The following SLC25A28 variants were observed in gnomAD, a reference collection of about 807,000 sequenced individuals.
SLC25A28 encodes the protein mitoferrin-2.
SLC25A28 carries 10 observed loss-of-function variants against 31.9 expected under a neutral mutation model. The observed-to-expected ratio is 0.31, with a 90% CI of 0.19 to 0.53. The LOEUF (loss-of-function observed/expected upper bound fraction) is 0.53. Among genes scored for constraint, SLC25A28 ranks in the 20% least tolerant of loss-of-function variants. The pLI is 0.95. For synonymous variants in SLC25A28, 208 were observed against 203.6 expected (o/e 1.02, Z -0.19); for missense variants, 256 against 490.3 (o/e 0.52, Z 4.51).
At position 99,612,603 on chromosome 10, in the gene SLC25A28, C is replaced by T. The variant is rs2034554899; in HGVS notation, c.521-4G>A. On this transcript the variant is annotated splice_region_variant and splice_polypyrimidine_tract_variant and intron_variant, in intron 2 of 3. Coordinates refer to ENST00000370495, the MANE Select transcript of SLC25A28 (RefSeq NM_031212.4). ...GTTGCCACACACCCGGCCGCACCTGCAAACAAGAAAACAACTGCCACATGT... is the reference window on the plus strand; with the variant it reads ...GTTGCCACACACCCGGCCGCACCTGTAAACAAGAAAACAACTGCCACATGT... 2.5e-6 allele frequency: 4 copies of T among 1,614,042 alleles called. No individual in the cohort carries two copies. Among genetic ancestry groups the T allele is most frequent in the Admixed American group, 1.7e-5 (1 of 60,004 alleles).
At position 99,619,473 on chromosome 10, in the gene SLC25A28, A is replaced by G. The variant is rs536832432; in HGVS notation, c.291+572T>C. On this transcript the variant is annotated intron_variant, in intron 1 of 3. Coordinates refer to ENST00000370495, the MANE Select transcript of SLC25A28 (RefSeq NM_031212.4). ...CCTATTCCTGAATACGATCTTTCCC[A>G]CATTACTTCCAGTCTGGAATTCTGC... 1.1e-4 allele frequency: 105 copies of G among 941,310 alleles called. 1 individual carries two copies. In the South Asian group the frequency reaches 4.5e-3, roughly 41 times the overall value. The allele number at this position is 941,310 out of a possible 1,614,324, so 58.3% of individuals were successfully genotyped here.
the SLC25A28 span, among the ~76,000 whole-genome samples, chr10:99,642,523 T>C: frequency 6.6e-6 from 1 of 152,102 alleles, no homozygotes; most frequent in Non-Finnish European, 1.5e-5. Flanking sequence ...ACAGGGACAA[T>C]TTGACTTCCT....
chr10:99,617,626 T>C, intron 1 of SLC25A28: 1 of 985,456 alleles, frequency 1.0e-6, no homozygotes, highest in Non-Finnish European at 1.2e-6. Flanking sequence ...GTGTTTAACA[T>C]ACTCACTGAC....
chr10:99,633,774 G>A, the SLC25A28 span, among the ~76,000 whole-genome samples: 9 of 151,748 alleles, frequency 5.9e-5, no homozygotes, highest in Non-Finnish European at 1.2e-4. Context: ...ACCACTCGCC[G>A]CAGATTCTTC....
At chr10:99,651,273 C>A in the SLC25A28 span, among the ~76,000 whole-genome samples, 1 of 152,150 alleles carries the variant, frequency 6.6e-6, no homozygotes, top group East Asian at 1.9e-4. Context: ...TCTAGTCAGC[C>A]ATCTTCTCAT....
At chr10:99,650,503 C>T in the SLC25A28 span, among the ~76,000 whole-genome samples, 4 of 152,020 alleles carry the variant, frequency 2.6e-5, no homozygotes, top group Non-Finnish European at 5.9e-5. Flanking sequence ...TCAGTCTGAA[C>T]TCAGCCTAAG....
chr10:99,636,753 C>T, the SLC25A28 span, among the ~76,000 whole-genome samples: 2,222 of 152,062 alleles, frequency 0.015, 62 homozygotes, highest in African/African-American at 0.05. Flanking sequence ...AATTAGGTAC[C>T]CTGAACAGAT....
the SLC25A28 span, among the ~76,000 whole-genome samples, chr10:99,634,069 C>T: frequency 2.0e-5 from 3 of 152,180 alleles, no homozygotes; most frequent in Non-Finnish European, 2.9e-5. Context: ...CAGCTTGGCT[C>T]ACAGAAAGCC....
chr10:99,626,398 A>G, the SLC25A28 span, among the ~76,000 whole-genome samples: 1 of 152,224 alleles, frequency 6.6e-6, no homozygotes, highest in Non-Finnish European at 1.5e-5. Flanking sequence ...AGGGTTATTT[A>G]GGAAACATTG....
the SLC25A28 span, among the ~76,000 whole-genome samples, chr10:99,651,486 T>C: frequency 3.3e-5 from 5 of 152,178 alleles, no homozygotes; most frequent in African/African-American, 4.8e-5. Flanking sequence ...GATATGTGAT[T>C]TGCAAATATT....
At chr10:99,640,033 A>G in the SLC25A28 span, among the ~76,000 whole-genome samples, 7 of 152,336 alleles carry the variant, frequency 4.6e-5, no homozygotes, top group East Asian at 9.6e-4. Flanking sequence ...ATCTCTGGTG[A>G]AAAAAGACAT....
chr10:99,626,569 CTTA>C, the SLC25A28 span, among the ~76,000 whole-genome samples: 1 of 152,194 alleles, frequency 6.6e-6, no homozygotes, highest in African/African-American at 2.4e-5. Flanking sequence ...CACTTCTCAT[CTTA>C]TTATCATTTA....
the SLC25A28 span, among the ~76,000 whole-genome samples, chr10:99,631,294 C>A: frequency 3.3e-5 from 5 of 152,054 alleles, no homozygotes; most frequent in African/African-American, 1.2e-4. Context: ...GGGCAGCAAC[C>A]CTAGAAGCTG....
chr10:99,632,633 A>G, the SLC25A28 span, among the ~76,000 whole-genome samples: 1,529 of 152,258 alleles, frequency 0.01, 27 homozygotes, highest in African/African-American at 0.035. Flanking sequence ...CACATCACCT[A>G]ACTCCCAAGC....
At chr10:99,627,682 T>A in the SLC25A28 span, among the ~76,000 whole-genome samples, 2 of 152,048 alleles carry the variant, frequency 1.3e-5, no homozygotes, top group East Asian at 3.9e-4. Context: ...GCTCAAGTGA[T>A]CTCCCACTTC....
At chr10:99,635,170 G>A in the SLC25A28 span, among the ~76,000 whole-genome samples, 1 of 152,024 alleles carries the variant, frequency 6.6e-6, no homozygotes, top group Non-Finnish European at 1.5e-5. Flanking sequence ...AACAAATCCT[G>A]GAAACACATC....
chr10:99,645,672 T>C, the SLC25A28 span, among the ~76,000 whole-genome samples: 1 of 152,260 alleles, frequency 6.6e-6, no homozygotes, highest in Non-Finnish European at 1.5e-5. Context: ...CTGCTCTGGT[T>C]TCTCTCCATC....
the SLC25A28 span, among the ~76,000 whole-genome samples, chr10:99,637,383 C>A: frequency 6.6e-6 from 1 of 152,148 alleles, no homozygotes; most frequent in Non-Finnish European, 1.5e-5. Context: ...TGGAGCAAGA[C>A]AAGGTTGCCC....
At chr10:99,624,529 C>T (rs2034849741), upstream of SLC25A28, among the ~76,000 whole-genome samples, 1 of 152,122 alleles carries the variant, frequency 6.6e-6, no homozygotes, top group Admixed American at 6.6e-5. Context: ...ACTAAACCTG[C>T]CTAAAAAATT....
Sources: gnomAD v4.1 joint callset for allele counts (sites outside exome capture counted in the v4.1 genomes callset) on GRCh38, gnomAD v4.1.1 for gene constraint, MANE v1.5 for transcripts, NCBI Gene and HGNC (gene_info 2026-07-23, HGNC 2026-07-21) for gene names.